The following FHIT variants were observed in gnomAD, a reference collection of about 807,000 sequenced individuals.
The protein encoded by FHIT is bis(5'-adenosyl)-triphosphatase.
In FHIT, 19 loss-of-function variants were observed where a neutral mutation model predicts 17.9. That is an observed-to-expected ratio of 1.06 (90% CI 0.74 to 1.56). FHIT has a LOEUF of 1.56. Ranked by LOEUF, FHIT falls within the 40% of genes most tolerant of loss-of-function variation. The probability of loss-of-function intolerance (pLI) is 0.00; values close to 1 mark genes in which losing one functional copy is unlikely to be tolerated. For missense variants in FHIT, 248 were observed against 189.2 expected (o/e 1.31, Z -1.82); for synonymous variants, 81 against 69.7 (o/e 1.16, Z -0.81).
intron 5 of FHIT, among the ~76,000 whole-genome samples, chr3:60,290,489 A>C (rs1175578012): frequency 6.6e-6 from 1 of 152,074 alleles, no homozygotes; most frequent in Non-Finnish European, 1.5e-5. Flanking sequence ...ACCAACAGTC[A>C]ACAACCCTAG....
chr3:60,879,399 A>T (rs192861884), intron 3 of FHIT, among the ~76,000 whole-genome samples: 12 of 152,360 alleles, frequency 7.9e-5, no homozygotes, highest in Admixed American at 7.8e-4. Context: ...GCACACTAAG[A>T]TCCAACTACA....
chr3:60,301,795 G>T (rs966913237), intron 5 of FHIT, among the ~76,000 whole-genome samples: 2 of 152,122 alleles, frequency 1.3e-5, no homozygotes, highest in African/African-American at 4.8e-5. Flanking sequence ...TACAGAGTAG[G>T]GAGCAGGGTG....
At chr3:60,563,068 G>A (rs2037009594) in intron 4 of FHIT, among the ~76,000 whole-genome samples, 1 of 152,138 alleles carries the variant, frequency 6.6e-6, no homozygotes, top group Non-Finnish European at 1.5e-5. Flanking sequence ...GAAGTAATAT[G>A]TTCTACGTGA....
At position 60,822,616 on chromosome 3, in the gene FHIT, T is replaced by C. The variant is rs1575567346; in HGVS notation, c.-110-605A>G. Among the ~76,000 whole-genome samples the C allele has an allele frequency of 2.6e-5, 4 of 152,318 alleles. No homozygotes were observed. In the East Asian group the frequency reaches 7.7e-4, roughly 29 times the overall value. On this transcript the variant is annotated intron_variant, in intron 3 of 9. Transcript: ENST00000492590. ...ATCCTATGTAGCTGCTCAACATCAC[T>C]GAGGCTCACTTTCTATCTCTATCAA...
At chr3:60,011,330 A>G (rs1559546918) in intron 7 of FHIT, 41 bp downstream of exon 7, 1 of 1,597,588 alleles carries the variant, frequency 6.3e-7, no homozygotes, top group Non-Finnish European at 8.6e-7. Context: ...AGTTCTCATA[A>G]TCGCCTCTTA....
At chr3:61,219,120 C>A (rs1444991399) in intron 1 of FHIT, among the ~76,000 whole-genome samples, 2 of 152,070 alleles carry the variant, frequency 1.3e-5, no homozygotes, top group African/African-American at 2.4e-5. Context: ...GTAATTATAA[C>A]ACGATGATAA....
chr3:61,140,934 G>A (rs1332239878), intron 2 of FHIT, among the ~76,000 whole-genome samples: 1 of 152,168 alleles, frequency 6.6e-6, no homozygotes, highest in African/African-American at 2.4e-5. Context: ...CTGGTTCACA[G>A]TCCTCGCTGG....
chr3:61,195,556 C>A (rs1207068037), intron 2 of FHIT, among the ~76,000 whole-genome samples: 1 of 152,178 alleles, frequency 6.6e-6, no homozygotes, highest in Non-Finnish European at 1.5e-5. Flanking sequence ...GGAATCACCC[C>A]TAGAGCTTTT....
At chr3:60,536,588 G>A (rs1205464144) in intron 5 of FHIT, 1 of 342,604 alleles carries the variant, frequency 2.9e-6, no homozygotes, top group Non-Finnish European at 5.3e-6. Context: ...TAGTGAAAAG[G>A]TCAAGCAAAA....
chr3:60,311,939 G>C (rs1035972372), intron 5 of FHIT, among the ~76,000 whole-genome samples: 1 of 152,044 alleles, frequency 6.6e-6, no homozygotes, highest in Admixed American at 6.6e-5. Context: ...AGAAAAAAAC[G>C]ACTTGCCTAA....
intron 5 of FHIT, among the ~76,000 whole-genome samples, chr3:60,124,009 T>TAGAGAGAGAGAGAGAGAGAGAGAGAG (rs1168094593): frequency 2.5e-4 from 3 of 12,154 alleles, no homozygotes; most frequent in African/African-American, 3.1e-4. Context: ...TATATATATA[T>TAGAGAGAGAGAGAGAGAGAGAGAGAG]AGAGAGAGAG....
At chr3:60,023,708 G>C (rs756296774) in intron 5 of FHIT, among the ~76,000 whole-genome samples, 10 of 152,294 alleles carry the variant, frequency 6.6e-5, no homozygotes, top group African/African-American at 1.2e-4. Context: ...GTATTTAGCA[G>C]ATGAAGCCTC....
At chr3:60,252,363 G>T (rs955167407) in intron 5 of FHIT, among the ~76,000 whole-genome samples, 3 of 151,966 alleles carry the variant, frequency 2.0e-5, no homozygotes, top group African/African-American at 7.2e-5. Context: ...GGGCAACATA[G>T]CGAAACCCCG....
chr3:60,006,400 T>C (rs1427497560), intron 7 of FHIT, among the ~76,000 whole-genome samples: 1 of 152,160 alleles, frequency 6.6e-6, no homozygotes, highest in Non-Finnish European at 1.5e-5. Context: ...TCAATGCTAG[T>C]TACAACCCCT....
rs182348735 is a variant in FHIT, at chr3:60,503,434, G to A, written c.103+33426C>T. ...ACCTTATCCAAGAAGGCCTATGATA[G>A]CAAAGATGCTATGTCTCAGTTTTCT... is the stretch of plus-strand genomic sequence containing the variant. On this transcript the variant is annotated intron_variant, in intron 5 of 9. Coordinates refer to ENST00000492590, the MANE Select transcript of FHIT (RefSeq NM_002012.4). Among the ~76,000 whole-genome samples the A allele has an allele frequency of 2.0e-3, 302 of 152,210 alleles. 1 individual carries two copies. The highest frequency in any genetic ancestry group is 6.8e-3 in the Middle Eastern group (2 of 292).
intron 7 of FHIT, among the ~76,000 whole-genome samples, chr3:59,945,906 T>C (rs896689078): frequency 6.6e-6 from 1 of 152,236 alleles, no homozygotes; most frequent in Non-Finnish European, 1.5e-5. Context: ...TTTGTACCAG[T>C]ACCATGCTGT....
chr3:59,850,493 T>A (rs934083301), intron 8 of FHIT, among the ~76,000 whole-genome samples: 2 of 152,058 alleles, frequency 1.3e-5, no homozygotes, highest in Admixed American at 1.3e-4. Flanking sequence ...ATGTGGTATA[T>A]CCCTGCACTT....
chr3:60,986,839 C>T (rs1273028651), intron 3 of FHIT, among the ~76,000 whole-genome samples: 1 of 152,174 alleles, frequency 6.6e-6, no homozygotes, highest in African/African-American at 2.4e-5. Context: ...TGGGCACTTA[C>T]TCATTAATTC....
intron 4 of FHIT, among the ~76,000 whole-genome samples, chr3:60,574,169 G>A (rs1490587611): frequency 6.6e-6 from 1 of 152,102 alleles, no homozygotes; most frequent in African/African-American, 2.4e-5. Context: ...GATCCCAGCA[G>A]CTATGGGAGC....
Sources: allele counts gnomAD v4.1 joint callset (sites outside exome capture counted in the v4.1 genomes callset), GRCh38; gene constraint gnomAD v4.1.1; transcripts MANE v1.5; gene names NCBI Gene and HGNC (gene_info 2026-07-23, HGNC 2026-07-21).